Variants in ERAP1 observed in about 807,000 individuals in gnomAD.
ERAP1 encodes endoplasmic reticulum aminopeptidase 1, also known as adipocyte-derived leucine aminopeptidase.
Under a neutral mutation model 103.7 loss-of-function variants are expected in ERAP1, and 86 were observed. That is an observed-to-expected ratio of 0.83 (90% CI 0.70 to 0.99). ERAP1 has a LOEUF of 0.99. ERAP1 is among the 50% of genes least tolerant of loss of function. ERAP1 has a pLI of 0.00. For missense variants in ERAP1, 1,009 were observed against 1,128.4 expected (o/e 0.89, Z 1.52); for synonymous variants, 398 against 402.4 (o/e 0.99, Z 0.13).
upstream of ERAP1, among the ~76,000 whole-genome samples, chr5:96,810,040 G>A (rs1237288296): frequency 1.3e-5 from 2 of 152,218 alleles, no homozygotes; most frequent in Admixed American, 1.3e-4. Context: ...GAAAGGAGCT[G>A]AAGTGTAGGC....
the ERAP1 span, chr5:96,912,809 T>C: frequency 9.5e-6 from 15 of 1,580,212 alleles, no homozygotes; most frequent in Non-Finnish European, 1.3e-5. Flanking sequence ...GTAAGTTCAA[T>C]AATTTAACTA....
chr5:96,901,815 T>C, the ERAP1 span: 1 of 851,958 alleles, frequency 1.2e-6, no homozygotes, highest in East Asian at 2.7e-5. Context: ...TAAAGTAGAC[T>C]TGATAAGATT....
Position 96,776,612 on chromosome 5 carries a change from T to C in ERAP1, c.2671-61A>G. On this transcript the variant is annotated intron_variant, in intron 18 of 18. Coordinates refer to ENST00000443439, the MANE Select transcript of ERAP1 (RefSeq NM_001040458.3). ...TTATCACATTAATCAGATGTAACTT[T>C]AGTTAAAACTGAAGCCAAAATTCCA... The C allele has an allele frequency of 4.4e-6, 7 of 1,583,450 alleles. No individual in the cohort carries two copies. The South Asian group carries it at 6.8e-5, about 15-fold the overall frequency.
chr5:96,811,023 C>T (rs1292624838), upstream of ERAP1, among the ~76,000 whole-genome samples: 3 of 152,178 alleles, frequency 2.0e-5, no homozygotes, highest in East Asian at 1.9e-4. Flanking sequence ...CACTGCTATC[C>T]GGCCCTTCCA....
intron 12 of ERAP1, 21 bp from the exon 13 acceptor site, chr5:96,785,992 C>G: frequency 1.9e-6 from 3 of 1,611,868 alleles, no homozygotes; most frequent in Non-Finnish European, 2.5e-6. Flanking sequence ...TAAAATAAAT[C>G]AAAGTTCCAT....
chr5:96,880,449 G>A, the ERAP1 span, among the ~76,000 whole-genome samples: 1 of 152,190 alleles, frequency 6.6e-6, no homozygotes, highest in Non-Finnish European at 1.5e-5. Flanking sequence ...GGACTCAGAG[G>A]CATAAACAGC....
chr5:96,909,165 G>C, the ERAP1 span: 1 of 1,577,368 alleles, frequency 6.3e-7, no homozygotes, highest in East Asian at 2.2e-5. Context: ...ACAGTGTCTG[G>C]AGTATCAGTC....
Position 96,794,171 on chromosome 5 carries a change from C to CTTTT in ERAP1, c.920-218_920-215dup, listed in dbSNP as rs35041937. ...GCAAAGTCAGACTTGCATCTCAGGC[C>CTTTT]TTTTTTTTTTTTTTTTTTTTTTTTT... On this transcript the variant is annotated intron_variant, in intron 5 of 18. Transcript: ENST00000443439. Among the ~76,000 whole-genome samples the CTTTT allele has an allele frequency of 5.1e-3, 348 of 68,742 alleles. 35 individuals are homozygous for CTTTT. Among genetic ancestry groups the CTTTT allele is most frequent in the Non-Finnish European group, 5.9e-3 (235 of 39,570 alleles). The allele number at this position is 68,742 out of a possible 152,430, so 45.1% of individuals were successfully genotyped here. A position where few individuals can be genotyped will look rare whatever the true frequency, so the allele number is the denominator to read the frequency against.
upstream of ERAP1, among the ~76,000 whole-genome samples, chr5:96,808,625 C>G (rs143093019): frequency 1.4e-3 from 216 of 152,296 alleles, 5 homozygotes; most frequent in East Asian, 0.03. Flanking sequence ...CCAAGGGCCA[C>G]TGTACCCCAA....
chr5:96,891,916 A>T, the ERAP1 span, among the ~76,000 whole-genome samples: 840 of 152,278 alleles, frequency 5.5e-3, 14 homozygotes, highest in African/African-American at 0.019. Flanking sequence ...TCTCAAACAT[A>T]TTAGAAATTA....
chr5:96,766,125 C>G, intron 19 of ERAP1: 2 of 1,605,690 alleles, frequency 1.2e-6, no homozygotes, highest in Non-Finnish European at 1.7e-6. Context: ...ATACAGACAT[C>G]TCCTGGATGA....
the ERAP1 span, among the ~76,000 whole-genome samples, chr5:96,898,811 C>G: frequency 6.6e-6 from 1 of 152,056 alleles, no homozygotes; most frequent in Non-Finnish European, 1.5e-5. Flanking sequence ...CATCACCCAC[C>G]GTCAGTGGTC....
At chr5:96,895,286 T>C in the ERAP1 span, 75 of 1,612,840 alleles carry the variant, frequency 4.7e-5, no homozygotes, top group Admixed American at 2.3e-4. Flanking sequence ...TGGAATGATA[T>C]TTGGCTTAAG....
At chr5:96,787,456 G>C (rs845029) in intron 11 of ERAP1, among the ~76,000 whole-genome samples, 14,651 of 151,928 alleles carry the variant, frequency 0.096, 1,001 homozygotes, top group African/African-American at 0.19. Context: ...AGTAGAGATG[G>C]TGTTTCACCA....
Position 96,785,829 on chromosome 5 carries a change from A to T in ERAP1, c.1902T>A (p.Asn634Lys). ...LKGTHTAVSS[N>K]DRASLINNAF... ...CATTGTTAATGAGACTCGCCCGATC[A>T]TTACTGCTGACTGCTGTGTGTGTTC... is the stretch of plus-strand genomic sequence containing the variant. Residue 634 changes from asparagine (N) to lysine (K), a missense_variant, in exon 13 of 19, where the codon AAT becomes AAA. Coordinates refer to ENST00000443439, the MANE Select transcript of ERAP1 (RefSeq NM_001040458.3). The T allele has an allele frequency of 6.2e-7, 1 of 1,614,186 alleles. No homozygotes were observed.
chr5:96,854,309 T>C, the ERAP1 span, among the ~76,000 whole-genome samples: 1 of 152,208 alleles, frequency 6.6e-6, no homozygotes, highest in Non-Finnish European at 1.5e-5. Context: ...GTACTATGTT[T>C]ATGATTCAAT....
At chr5:96,843,558 C>G in the ERAP1 span, among the ~76,000 whole-genome samples, 1 of 152,108 alleles carries the variant, frequency 6.6e-6, no homozygotes. Context: ...GTTACTTGGG[C>G]GTGGAAAGTT....
chr5:96,803,474 A>G lies in ERAP1; in HGVS notation c.453T>C (p.Tyr151=). The change falls in exon 2 of 19, where the codon TAT becomes TAC. Residue 151 remains tyrosine (Y), a synonymous_variant. Coordinates refer to ENST00000443439, the MANE Select transcript of ERAP1 (RefSeq NM_001040458.3). ...VGLPYTVVIH[Y]AGNLSETFHG... ...GGAAAGTCTCCGAAAGATTGCCAGC[A>G]TAGTGAATGACAACTGTGTACGGGA... is the stretch of plus-strand genomic sequence containing the variant. 6.2e-7 allele frequency: 1 copy of G among 1,613,426 alleles called. No individual in the cohort carries two copies. Among genetic ancestry groups the G allele is most frequent in the Non-Finnish European group, 8.5e-7 (1 of 1,179,850 alleles).
At chr5:96,889,808 T>A in the ERAP1 span, among the ~76,000 whole-genome samples, 3 of 147,280 alleles carry the variant, frequency 2.0e-5, no homozygotes, top group African/African-American at 7.6e-5. Flanking sequence ...GATTAGAGAA[T>A]GGATTTTCCA....
Sources: allele counts gnomAD v4.1 joint callset (sites outside exome capture counted in the v4.1 genomes callset), GRCh38; gene constraint gnomAD v4.1.1; transcripts MANE v1.5; gene names NCBI Gene and HGNC (gene_info 2026-07-23, HGNC 2026-07-21).